The following NRDC variants were observed in gnomAD, a reference collection of about 807,000 sequenced individuals.
NRDC encodes nardilysin convertase.
NRDC carries 54 observed loss-of-function variants against 147.1 expected under a neutral mutation model. That is an observed-to-expected ratio of 0.37 (90% CI 0.29 to 0.46). NRDC has a LOEUF of 0.46. Ranked by LOEUF, NRDC falls within the 20% of genes least tolerant of loss-of-function variation. The pLI is 1.00. For synonymous variants in NRDC, 440 were observed against 482.1 expected, an observed-to-expected ratio of 0.91 and a Z score of 1.14; for missense variants, 1,082 against 1,370.6, an observed-to-expected ratio of 0.79 and a Z score of 3.33.
intron 24 of NRDC, among the ~76,000 whole-genome samples, 160 bp downstream of exon 24, chr1:51,794,311 AT>A (rs1194815913): frequency 6.6e-6 from 1 of 152,178 alleles, no homozygotes; most frequent in East Asian, 1.9e-4. Flanking sequence ...AAAAGGATCC[AT>A]TTTACCAACA....
At position 51,789,271 on chromosome 1, in the gene NRDC, G is replaced by GTGT. The variant is rs1553199689; in HGVS notation, c.3418_3420dup (p.Thr1140dup). 23 of 1,614,150 alleles carry GTGT rather than the reference G, an allele frequency of 1.4e-5. No individual in the cohort carries two copies. Among genetic ancestry groups the GTGT allele is most frequent in the Non-Finnish European group, 1.9e-5 (23 of 1,179,992 alleles). ...ATTTTATGGTAGGGGAGAAGGTTGA[G>GTGT]TGTTGTTGTGAAAGCCCTGATATCA... On this transcript the variant is annotated inframe_insertion, in exon 31 of 31. Coordinates refer to ENST00000352171, the MANE Select transcript of NRDC (RefSeq NM_001101662.2).
intron 10 of NRDC, 44 bp downstream of exon 10, chr1:51,818,022 T>A: frequency 7.0e-7 from 1 of 1,422,664 alleles, no homozygotes; most frequent in Admixed American, 1.8e-5. Context: ...TAAAAATTAC[T>A]CTCACTTGGT....
chr1:51,862,746 T>C (rs1358026635), intron 1 of NRDC, among the ~76,000 whole-genome samples: 1 of 151,840 alleles, frequency 6.6e-6, no homozygotes, highest in Non-Finnish European at 1.5e-5. Context: ...CCAGGAGCAG[T>C]GGCTCATGCC....
At chr1:51,845,859 A>G (rs923636348) in intron 1 of NRDC, among the ~76,000 whole-genome samples, 2 of 152,206 alleles carry the variant, frequency 1.3e-5, no homozygotes, top group Non-Finnish European at 2.9e-5. Context: ...CAGATATTGA[A>G]TAAACAAAAG....
chr1:51,804,703 T>C (rs34167444), intron 19 of NRDC, among the ~76,000 whole-genome samples: 9 of 143,838 alleles, frequency 6.3e-5, no homozygotes, highest in African/African-American at 1.8e-4. Context: ...ATATCTCCTA[T>C]GTTCAGATAC....
chr1:51,821,616 T>A (rs775849743), intron 7 of NRDC, 61 bp from the exon 8 acceptor site: 3 of 1,133,446 alleles, frequency 2.6e-6, no homozygotes, highest in Non-Finnish European at 4.0e-6. Flanking sequence ...AAGGTAGAAA[T>A]GCAATTAGAT....
rs369635095 is a variant in NRDC at position 51,823,674 on chromosome 1, A to C, written c.1149T>G (p.Val383=). The change falls in exon 7 of 31, where the codon GTT becomes GTG. Residue 383 remains valine, a synonymous_variant. Transcript: ENST00000352171. ...YYSSHYMTLV[V]QSKETLDTLE... ...ATAATTAATAGTTACCTTTGGATTGAACCACTAAAGTCATGTAATGAGAAG... is the reference window on the plus strand; with the variant it reads ...ATAATTAATAGTTACCTTTGGATTGCACCACTAAAGTCATGTAATGAGAAG... 1.4e-5 allele frequency: 23 copies of C among 1,608,360 alleles called. No homozygotes were observed. Among genetic ancestry groups the C allele is most frequent in the Middle Eastern group, 1.7e-4 (1 of 6,056 alleles).
intron 1 of NRDC, among the ~76,000 whole-genome samples, chr1:51,844,514 G>A (rs933612822): frequency 6.6e-6 from 1 of 151,834 alleles, no homozygotes; most frequent in Admixed American, 6.6e-5. Context: ...GGGCCGAAGA[G>A]GACGGATCAT....
chr1:51,814,001 AG>A, intron 14 of NRDC, 33 bp downstream of exon 14: 2 of 1,396,892 alleles, frequency 1.4e-6, no homozygotes, highest in Non-Finnish European at 2.0e-6. Flanking sequence ...ACTCAGTCAC[AG>A]ATAACATGCA....
chr1:51,818,018 T>C, intron 10 of NRDC, 48 bp downstream of exon 10: 1 of 1,396,468 alleles, frequency 7.2e-7, no homozygotes, highest in South Asian at 1.2e-5. Flanking sequence ...GCTTTAAAAA[T>C]TACTCTCACT....
chr1:51,829,119 AGTGGC>A (rs1680587253), intron 4 of NRDC, among the ~76,000 whole-genome samples: 1 of 152,140 alleles, frequency 6.6e-6, no homozygotes, highest in Admixed American at 6.5e-5. Flanking sequence ...TGGAGTGTGT[AGTGGC>A]ACATCACGGC....
chr1:51,802,611 TC>T (rs1455100091), intron 20 of NRDC, among the ~76,000 whole-genome samples: 1 of 152,190 alleles, frequency 6.6e-6, no homozygotes, highest in Non-Finnish European at 1.5e-5. Context: ...ATGTCAGTGA[TC>T]ATCATTTTAT....
At chr1:51,806,215 G>A (rs1166885286) in intron 18 of NRDC, among the ~76,000 whole-genome samples, 1 of 150,668 alleles carries the variant, frequency 6.6e-6, no homozygotes, top group Non-Finnish European at 1.5e-5. Context: ...CTTCCTTTAT[G>A]CTGAAAAAAA....
intron 1 of NRDC, among the ~76,000 whole-genome samples, chr1:51,877,392 G>T (rs1350143227): frequency 1.3e-5 from 2 of 151,970 alleles, no homozygotes; most frequent in African/African-American, 4.8e-5. Flanking sequence ...CTGGCACAGT[G>T]GCTCACGCCT....
rs1678651032 is a variant in NRDC, at chr1:51,791,478, C to G, written c.2960+100G>C. On this transcript the variant is annotated intron_variant, in intron 27 of 30. Transcript: ENST00000352171. ...GCTTCCACTGACTAAATAGAGCAAA[C>G]CTGCTTGGTCAGGGTTGCCCAAGGT... 10 of 924,244 alleles carry G rather than the reference C, an allele frequency of 1.1e-5. No individual in the cohort carries two copies. The South Asian group carries it at 1.4e-4, about 13-fold the overall frequency. The allele number at this position is 924,244 out of a possible 1,614,324, so 57.3% of individuals were successfully genotyped here.
chr1:51,795,116 C>T, intron 22 of NRDC: 1 of 1,421,062 alleles, frequency 7.0e-7, no homozygotes, highest in African/African-American at 1.4e-5. Context: ...CTGGATCAAA[C>T]TTAATTGTTC....
At chr1:51,805,421 GAGAAA>G in intron 19 of NRDC, 84 bp downstream of exon 19, 1 of 1,026,542 alleles carries the variant, frequency 9.7e-7, no homozygotes, top group Non-Finnish European at 1.4e-6. Flanking sequence ...AATATGGATA[GAGAAA>G]ATGACAGAAT....
At position 51,791,916 on chromosome 1, in the gene NRDC, A is replaced by G; in HGVS notation, c.2876+130T>C. ...AAAGATACAAATTCCAAAAGTTTGG[A>G]TGACTAAATATCACCCTATGAGATG... On this transcript the variant is annotated intron_variant, in intron 26 of 30. Transcript: ENST00000352171. The G allele has an allele frequency of 4.2e-6, 4 of 945,208 alleles. 1 individual carries two copies. In the Middle Eastern group the frequency reaches 6.6e-4, roughly 155 times the overall value. 58.6% of individuals were successfully genotyped at this position (945,208 alleles called of 1,614,324 possible).
chr1:51,792,569 A>G (rs895839566), intron 24 of NRDC, 145 bp from the exon 25 acceptor site: 11 of 721,312 alleles, frequency 1.5e-5, no homozygotes, highest in African/African-American at 8.8e-5. Flanking sequence ...TGTTGTTTAC[A>G]TATCTGCTTT....
Sources: allele counts gnomAD v4.1 joint callset (sites outside exome capture counted in the v4.1 genomes callset), GRCh38; gene constraint gnomAD v4.1.1; transcripts MANE v1.5; gene names NCBI Gene and HGNC (gene_info 2026-07-23, HGNC 2026-07-21).